The following SLCO5A1 variants were observed in gnomAD, a reference collection of about 807,000 sequenced individuals.
The protein encoded by SLCO5A1 is organic anion transporter polypeptide-related protein 4.
Under a neutral mutation model 65.1 loss-of-function variants are expected in SLCO5A1, and 39 were observed. The observed-to-expected ratio is 0.60, with a 90% CI of 0.46 to 0.78. SLCO5A1 has a LOEUF of 0.78. Ranked by LOEUF, SLCO5A1 falls within the 30% of genes least tolerant of loss-of-function variation. The pLI, the probability that SLCO5A1 is intolerant of heterozygous loss-of-function variation, is 0.00. For synonymous variants in SLCO5A1, 438 were observed against 415.7 expected, an observed-to-expected ratio of 1.05 and a Z score of -0.65; for missense variants, 1,029 against 1,069.4, an observed-to-expected ratio of 0.96 and a Z score of 0.53.
intron 5 of SLCO5A1, among the ~76,000 whole-genome samples, chr8:69,727,006 C>G (rs1279609612): frequency 1.3e-5 from 2 of 152,110 alleles, no homozygotes; most frequent in Non-Finnish European, 2.9e-5. Flanking sequence ...CTGTGTGAAG[C>G]CCACAACATA....
chr8:69,777,777 A>G (rs1411121107), intron 2 of SLCO5A1, among the ~76,000 whole-genome samples: 1 of 152,140 alleles, frequency 6.6e-6, no homozygotes, highest in East Asian at 1.9e-4. Context: ...CATCAACATC[A>G]TCTGCTCCTG....
chr8:69,825,048 GC>G (rs1820811921), intron 2 of SLCO5A1, among the ~76,000 whole-genome samples: 1 of 152,278 alleles, frequency 6.6e-6, no homozygotes, highest in Non-Finnish European at 1.5e-5. Flanking sequence ...CTCAATAGAT[GC>G]AGAAAAGGCC....
At chr8:69,779,960 A>T (rs929264091) in intron 2 of SLCO5A1, among the ~76,000 whole-genome samples, 1 of 152,166 alleles carries the variant, frequency 6.6e-6, no homozygotes, top group Non-Finnish European at 1.5e-5. Context: ...CAACAACAAC[A>T]AAAATAATTC....
intron 2 of SLCO5A1, among the ~76,000 whole-genome samples, chr8:69,770,263 A>G (rs1201711870): frequency 1.3e-5 from 2 of 152,132 alleles, no homozygotes; most frequent in African/African-American, 2.4e-5. Context: ...TGAAGATTGT[A>G]TGACCTATTT....
At chr8:69,803,705 A>T (rs575645848) in intron 2 of SLCO5A1, among the ~76,000 whole-genome samples, 5 of 152,050 alleles carry the variant, frequency 3.3e-5, no homozygotes, top group Non-Finnish European at 7.4e-5. Context: ...ACTAAAGTGT[A>T]TGGCTGGGTG....
At chr8:69,816,644 A>C (rs1472934351) in intron 2 of SLCO5A1, among the ~76,000 whole-genome samples, 1 of 152,210 alleles carries the variant, frequency 6.6e-6, no homozygotes. Context: ...TCAAATCCAC[A>C]GGTATGTTTC....
At chr8:69,758,656 G>A (rs1817629254) in intron 3 of SLCO5A1, among the ~76,000 whole-genome samples, 1 of 152,124 alleles carries the variant, frequency 6.6e-6, no homozygotes. Flanking sequence ...ATTAAAGTGT[G>A]GGGTCACTTC....
At chr8:69,674,015 A>C (rs1357844863) in intron 9 of SLCO5A1, among the ~76,000 whole-genome samples, 1 of 152,186 alleles carries the variant, frequency 6.6e-6, no homozygotes, top group Non-Finnish European at 1.5e-5. Context: ...TGAGAAAAAA[A>C]GTCTACCTAG....
intron 2 of SLCO5A1, among the ~76,000 whole-genome samples, chr8:69,825,613 C>T (rs1233846114): frequency 1.7e-3 from 264 of 152,008 alleles, no homozygotes; most frequent in Admixed American, 3.2e-3. Flanking sequence ...CAAACCACTG[C>T]TCAATGAAAT....
In SLCO5A1 at chr8:69,755,549, T is replaced by G. The variant is rs770309710; in HGVS notation, c.1133A>C (p.Lys378Thr). 1 of 1,614,152 alleles carries G rather than the reference T, an allele frequency of 6.2e-7. No homozygotes were observed. The highest frequency in any genetic ancestry group is 1.7e-5 in the Admixed American group (1 of 60,022). ...FPKKLPPRHKKKKKKKFSVDA... is the reference protein window; with the variant it reads ...FPKKLPPRHKTKKKKKFSVDA... ...AACAGAAAATTTTTTCTTTTTCTTTTTCTTGTGTCGAGGTGGAAGCTTTTT... is the reference window on the plus strand; with the variant it reads ...AACAGAAAATTTTTTCTTTTTCTTTGTCTTGTGTCGAGGTGGAAGCTTTTT... Residue 378 changes from lysine (K) to threonine (T), a missense_variant, in exon 4 of 10, where the codon AAA (lysine) becomes ACA (threonine). By Grantham distance (78) the Lys-to-Thr change is moderately conservative (BLOSUM62 -1). Transcript: ENST00000260126.
chr8:69,690,615 G>A (rs982375218), intron 6 of SLCO5A1, among the ~76,000 whole-genome samples: 4 of 152,192 alleles, frequency 2.6e-5, no homozygotes, highest in South Asian at 2.1e-4. Context: ...TGTGCATGTG[G>A]CAAAGGTCTG....
Position 69,707,611 on chromosome 8 carries a change from G to C in SLCO5A1, c.1424-2382C>G, listed in dbSNP as rs753370299. Among the ~76,000 whole-genome samples, 13 of 152,096 alleles carry C rather than the reference G, an allele frequency of 8.5e-5. No individual in the cohort carries two copies. The South Asian group carries it at 2.7e-3, about 32-fold the overall frequency. On this transcript the variant is annotated intron_variant, in intron 5 of 9. Coordinates refer to ENST00000260126, the MANE Select transcript of SLCO5A1 (RefSeq NM_030958.3). ...AGGGCGCTGAAGAATTCTGAGCTGC[G>C]GCTGACAGGATGGAAGCTGTGTATT...
rs986949935 is a variant in SLCO5A1 at position 69,668,586 on chromosome 8, G to T, written c.*4283C>A. On this transcript the variant is annotated 3_prime_UTR_variant, in exon 10 of 10. Coordinates refer to ENST00000260126, the MANE Select transcript of SLCO5A1 (RefSeq NM_030958.3). ...TGCCTCCTGCTCCTGGGTGCACTAG[G>T]GAATTCCCATCAATGCTTCAGCTCC... 6.6e-6 allele frequency: 1 copy of T among 152,172 alleles called. No individual in the cohort carries two copies. The highest frequency in any genetic ancestry group is 2.4e-5 in the African/African-American group (1 of 41,440). The allele number at this position is 152,172 out of a possible 1,614,324, so 9.4% of individuals were successfully genotyped here.
chr8:69,784,759 G>T (rs1429314587), intron 2 of SLCO5A1, among the ~76,000 whole-genome samples: 3 of 144,682 alleles, frequency 2.1e-5, no homozygotes, highest in South Asian at 2.2e-4. Flanking sequence ...CTGCACTTCA[G>T]CCTGGGCAAC....
chr8:69,752,774 C>T (rs1433367545), intron 4 of SLCO5A1, among the ~76,000 whole-genome samples: 1 of 152,100 alleles, frequency 6.6e-6, no homozygotes, highest in African/African-American at 2.4e-5. Flanking sequence ...AGCTGTGTGT[C>T]CCAGTCAGGA....
chr8:69,778,522 G>T (rs1401400822), intron 2 of SLCO5A1, among the ~76,000 whole-genome samples: 1 of 151,832 alleles, frequency 6.6e-6, no homozygotes, highest in African/African-American at 2.4e-5. Flanking sequence ...TGTTAGCTCA[G>T]GTTAGTGAAA....
rs1349853417 is a variant in SLCO5A1 at position 69,775,827 on chromosome 8, G to A, written c.908-13952C>T. On this transcript the variant is annotated intron_variant, in intron 2 of 9. Transcript: ENST00000260126. Reference sequence around the variant, plus strand: ...TCAGGAGTTGGAGACCAAGCTGGGCGACATAGTGAGACCTAGTTCTCTACA... The same window carrying A: ...TCAGGAGTTGGAGACCAAGCTGGGCAACATAGTGAGACCTAGTTCTCTACA... Among the ~76,000 whole-genome samples, 6 of 151,952 alleles carry A rather than the reference G, an allele frequency of 3.9e-5. 1 individual carries two copies. Among genetic ancestry groups the A allele is most frequent in the South Asian group, 2.1e-4 (1 of 4,818 alleles).
At chr8:69,785,972 A>G (rs1819029080) in intron 2 of SLCO5A1, among the ~76,000 whole-genome samples, 1 of 152,246 alleles carries the variant, frequency 6.6e-6, no homozygotes, top group South Asian at 2.1e-4. Context: ...TTGCATAAAT[A>G]CACTATGTGA....
At chr8:69,741,014 C>T (rs1043043140) in intron 4 of SLCO5A1, among the ~76,000 whole-genome samples, 2 of 152,198 alleles carry the variant, frequency 1.3e-5, no homozygotes, top group African/African-American at 2.4e-5. Flanking sequence ...AAATTTGAGT[C>T]GTCCAATGCA....
Sources: gnomAD v4.1 joint callset for allele counts (sites outside exome capture counted in the v4.1 genomes callset) on GRCh38, gnomAD v4.1.1 for gene constraint, MANE v1.5 for transcripts, NCBI Gene and HGNC (gene_info 2026-07-23, HGNC 2026-07-21) for gene names.